The following SMC6 variants were observed in gnomAD, a reference collection of about 807,000 sequenced individuals.
SMC6 encodes structural maintenance of chromosomes 6.
In SMC6, 79 loss-of-function variants were observed where a neutral mutation model predicts 142.2. That is an observed-to-expected ratio of 0.56 (90% confidence interval 0.46 to 0.67). SMC6 has a LOEUF of 0.67. Among genes scored for constraint, SMC6 ranks in the 30% least tolerant of loss-of-function variants. The pLI, the probability that SMC6 is intolerant of heterozygous loss-of-function variation, is 0.00. For synonymous variants in SMC6, 411 were observed against 412.4 expected, an observed-to-expected ratio of 1.00 and a Z score of 0.04; for missense variants, 1,072 against 1,284.0, an observed-to-expected ratio of 0.83 and a Z score of 2.52.
At chr2:17,746,107 AG>A (rs1231549132) in intron 2 of SMC6, 156 bp from the exon 3 acceptor site, 1 of 707,324 alleles carries the variant, frequency 1.4e-6, no homozygotes, top group African/African-American at 1.9e-5. Flanking sequence ...TCTTGCACTA[AG>A]GAAGAGGGAC....
At chr2:17,705,700 C>T (rs939951899) in intron 18 of SMC6, among the ~76,000 whole-genome samples, 1 of 152,158 alleles carries the variant, frequency 6.6e-6, no homozygotes, top group African/African-American at 2.4e-5. Flanking sequence ...TAAATTTAAG[C>T]AATCAATGTA....
At chr2:17,670,120 G>C (rs1031179861) in intron 26 of SMC6, among the ~76,000 whole-genome samples, 2 of 152,170 alleles carry the variant, frequency 1.3e-5, no homozygotes, top group Non-Finnish European at 2.9e-5. Context: ...CATATTTATG[G>C]GTTGATGAAA....
Position 17,752,967 on chromosome 2 carries a change from C to T in SMC6, c.-6+11G>A. 1 of 969,826 alleles carries T rather than the reference C, an allele frequency of 1.0e-6. No homozygotes were observed. The highest frequency in any genetic ancestry group is 4.8e-5 in the South Asian group (1 of 20,998). The allele number at this position is 969,826 out of a possible 1,614,324, so 60.1% of individuals were successfully genotyped here. A position where few individuals can be genotyped will look rare whatever the true frequency, so the allele number is the denominator to read the frequency against. ...ACCAAATGATTGCTCTAAGAATTTT[C>T]ACAGTATTACCTCAAACCCTATTGG... On this transcript the variant is annotated intron_variant, in intron 2 of 27. Coordinates refer to ENST00000448223, the MANE Select transcript of SMC6 (RefSeq NM_001142286.2).
At position 17,720,943 on chromosome 2, in the gene SMC6, C is replaced by T. The variant is rs1333464000; in HGVS notation, c.942G>A (p.Gln314=). The T allele has an allele frequency of 2.5e-6, 4 of 1,611,828 alleles. No individual in the cohort carries two copies. The highest frequency in any genetic ancestry group is 8.5e-7 in the Non-Finnish European group (1 of 1,178,876). The change falls in exon 11 of 28, where the codon CAG becomes CAA. Residue 314 remains glutamine, a synonymous_variant. Transcript: ENST00000448223. Reference sequence around the variant, plus strand: ...TGCATTTAAAAACTGTAATTACCTGCTGTTCTTCCATTTTCCTGTCAAGTC... The same window carrying T: ...TGCATTTAAAAACTGTAATTACCTGTTGTTCTTCCATTTTCCTGTCAAGTC... ...AARLDRKMEE[Q]QVRLNEAEQK...
In SMC6 at chr2:17,683,797, C is replaced by T. The variant is rs186038315; in HGVS notation, c.2679-34G>A. On this transcript the variant is annotated intron_variant, in intron 23 of 27. Coordinates refer to ENST00000448223, the MANE Select transcript of SMC6 (RefSeq NM_001142286.2). ...TAAACAAAATATTACGTAAAAAATA[C>T]ACCACACGTAAAAAACATAACAGTA... The T allele has an allele frequency of 5.7e-4, 898 of 1,582,800 alleles. 1 individual carries two copies. Among genetic ancestry groups the T allele is most frequent in the Non-Finnish European group, 7.4e-4 (858 of 1,156,488 alleles).
chr2:17,751,552 A>C (rs2125099457), intron 2 of SMC6, among the ~76,000 whole-genome samples: 1 of 152,246 alleles, frequency 6.6e-6, no homozygotes, highest in South Asian at 2.1e-4. Context: ...GATAGAGGCC[A>C]GTCAGTAGTA....
In SMC6 at chr2:17,698,470, C is replaced by T. The variant is rs529853688; in HGVS notation, c.2394+1738G>A. On this transcript the variant is annotated intron_variant, in intron 21 of 27. Transcript: ENST00000448223. ...TGGTGGACTGAACCTTTTGTCATTACGTAATGTCCTTTTTTGTCTCTGGTA... is the reference window on the plus strand; with the variant it reads ...TGGTGGACTGAACCTTTTGTCATTATGTAATGTCCTTTTTTGTCTCTGGTA... 9.2e-5 allele frequency among the ~76,000 whole-genome samples: 14 copies of T among 151,976 alleles called. 1 individual carries two copies. The highest frequency in any genetic ancestry group is 2.4e-4 in the African/African-American group (10 of 41,414).
At chr2:17,733,127 C>A (rs1362688645) in intron 5 of SMC6, among the ~76,000 whole-genome samples, 4 of 152,176 alleles carry the variant, frequency 2.6e-5, no homozygotes, top group Admixed American at 6.5e-5. Context: ...TTTAACAGAA[C>A]AAACTTGCTT....
chr2:17,728,347 T>A (rs1193323687), intron 7 of SMC6, among the ~76,000 whole-genome samples: 1 of 151,928 alleles, frequency 6.6e-6, no homozygotes, highest in East Asian at 1.9e-4. Context: ...AGGTGGAGGA[T>A]CACTTGAGCC....
intron 2 of SMC6, among the ~76,000 whole-genome samples, chr2:17,748,670 C>G (rs753643899): frequency 7.2e-5 from 11 of 152,216 alleles, no homozygotes; most frequent in Non-Finnish European, 7.3e-5. Context: ...TTCTTCTCTG[C>G]TAACCACCCT....
chr2:17,671,472 G>A (rs1666757649), intron 25 of SMC6, among the ~76,000 whole-genome samples: 1 of 151,408 alleles, frequency 6.6e-6, no homozygotes, highest in African/African-American at 2.4e-5. Flanking sequence ...AGCTGGCCAT[G>A]GTGGCATACT....
At position 17,707,260 on chromosome 2, in the gene SMC6, T is replaced by G; in HGVS notation, c.1965A>C (p.Thr655=). ...FAGRYYSSEN[T]RPKFLSRDVD... is the part of the protein sequence containing the mutation. Reference sequence around the variant, plus strand: ...CATCTCTGCTTAGGAACTTAGGTCTTGTATTTTCAGATGAATAATAACGTC... The same window carrying G: ...CATCTCTGCTTAGGAACTTAGGTCTGGTATTTTCAGATGAATAATAACGTC... The change falls in exon 18 of 28, where the codon ACA becomes ACC. Residue 655 remains threonine, a synonymous_variant. Transcript: ENST00000448223. The G allele has an allele frequency of 6.2e-7, 1 of 1,600,946 alleles. No individual in the cohort carries two copies. The highest frequency in any genetic ancestry group is 8.5e-7 in the Non-Finnish European group (1 of 1,174,572).
At chr2:17,743,827 G>A (rs938310966) in intron 3 of SMC6, among the ~76,000 whole-genome samples, 2 of 152,088 alleles carry the variant, frequency 1.3e-5, no homozygotes, top group Non-Finnish European at 2.9e-5. Context: ...ACGTCATATA[G>A]TTGGAATCAT....
chr2:17,749,358 G>A (rs1003620662), intron 2 of SMC6, among the ~76,000 whole-genome samples: 2 of 151,936 alleles, frequency 1.3e-5, no homozygotes, highest in African/African-American at 4.8e-5. Context: ...ATACAAGCAG[G>A]AACAATGAAG....
intron 16 of SMC6, among the ~76,000 whole-genome samples, chr2:17,710,563 A>C (rs541508445): frequency 1.1e-4 from 16 of 152,276 alleles, no homozygotes; most frequent in African/African-American, 3.9e-4. Flanking sequence ...AGCTGTGAGG[A>C]GGAAGAAGCA....
At chr2:17,719,356 T>C (rs916385909) in intron 11 of SMC6, among the ~76,000 whole-genome samples, 3 of 152,318 alleles carry the variant, frequency 2.0e-5, no homozygotes, top group Middle Eastern at 3.4e-3. Context: ...CTACAAGCAA[T>C]AATCAAGCAC....
intron 23 of SMC6, among the ~76,000 whole-genome samples, chr2:17,694,290 A>T (rs1416312433): frequency 6.6e-6 from 1 of 152,146 alleles, no homozygotes; most frequent in Non-Finnish European, 1.5e-5. Context: ...GTTTGATAGC[A>T]CAGTAGGGTG....
intron 4 of SMC6, among the ~76,000 whole-genome samples, chr2:17,741,170 T>A (rs1572359460): frequency 6.6e-6 from 1 of 152,202 alleles, no homozygotes; most frequent in African/African-American, 2.4e-5. Context: ...AAATAATCGA[T>A]AATTTTCATT....
chr2:17,715,186 T>A (rs73921054), intron 15 of SMC6, 121 bp from the exon 16 acceptor site: 9,236 of 855,572 alleles, frequency 0.011, 203 homozygotes, highest in African/African-American at 0.062. Flanking sequence ...TTTAAATGAC[T>A]TTACAGATCA....
Sources: allele counts gnomAD v4.1 joint callset (sites outside exome capture counted in the v4.1 genomes callset), GRCh38; gene constraint gnomAD v4.1.1; transcripts MANE v1.5; gene names NCBI Gene and HGNC (gene_info 2026-07-23, HGNC 2026-07-21).